The following ANTXR2 variants were observed in gnomAD, a reference collection of about 807,000 sequenced individuals.
The protein encoded by ANTXR2 is ANTXR cell adhesion molecule 2.
In ANTXR2, 44 loss-of-function variants were observed where a neutral mutation model predicts 73.7. The observed-to-expected ratio is 0.60, with a 90% CI of 0.47 to 0.77. The LOEUF (loss-of-function observed/expected upper bound fraction) is 0.77, where lower values mean the gene tolerates loss of function less well. Among genes scored for constraint, ANTXR2 ranks in the 30% least tolerant of loss-of-function variants. The pLI is 0.00. For synonymous variants in ANTXR2, 217 were observed against 205.9 expected, an observed-to-expected ratio of 1.05 and a Z score of -0.46; for missense variants, 604 against 592.5, an observed-to-expected ratio of 1.02 and a Z score of -0.20.
chr4:79,984,709 A>G, intron 13 of ANTXR2, 110 bp downstream of exon 13: 1 of 916,450 alleles, frequency 1.1e-6, no homozygotes, highest in Non-Finnish European at 1.7e-6. Context: ...TTAAAAAGTC[A>G]GTACATAGGT....
At chr4:80,054,186 C>A in intron 7 of ANTXR2, 86 bp downstream of exon 7, 1 of 1,021,212 alleles carries the variant, frequency 9.8e-7, no homozygotes, top group Non-Finnish European at 1.4e-6. Context: ...ATAATGACCA[C>A]CTGCACTGGA....
At chr4:80,071,911 T>G (rs533220734) in intron 1 of ANTXR2, among the ~76,000 whole-genome samples, 1 of 151,932 alleles carries the variant, frequency 6.6e-6, no homozygotes, top group South Asian at 2.1e-4. Flanking sequence ...CCTGCCTAAT[T>G]GTTTAGAGTG....
intron 16 of ANTXR2, among the ~76,000 whole-genome samples, chr4:79,975,765 A>G (rs1050761431): frequency 2.0e-5 from 3 of 152,238 alleles, no homozygotes; most frequent in African/African-American, 7.2e-5. Flanking sequence ...ATTTAAAAAG[A>G]TACAAATGTC....
intron 16 of ANTXR2, among the ~76,000 whole-genome samples, chr4:79,924,359 C>T (rs1368886313): frequency 1.3e-5 from 2 of 152,076 alleles, no homozygotes; most frequent in Non-Finnish European, 2.9e-5. Context: ...TGCAAAGTGA[C>T]TCAAGCCTGT....
At chr4:79,980,909 G>GT (rs1729857151) in intron 14 of ANTXR2, among the ~76,000 whole-genome samples, 2 of 129,668 alleles carry the variant, frequency 1.5e-5, no homozygotes. Context: ...ACTTTTCCTA[G>GT]TTTAAGGGCT....
chr4:79,997,212 A>G lies in ANTXR2; in HGVS notation c.1041+11309T>C, dbSNP rs189838702. Among the ~76,000 whole-genome samples the G allele has an allele frequency of 1.1e-3, 166 of 152,044 alleles. 1 individual carries two copies. The highest frequency in any genetic ancestry group is 2.4e-3 in the Admixed American group (36 of 15,224). ...CCAGCTTGATGCAATCATATGTTCC[A>G]ATATTCAGAAAAGAGTGAAAAGAAC... On this transcript the variant is annotated intron_variant, in intron 12 of 16. Coordinates refer to ENST00000403729, the MANE Select transcript of ANTXR2 (RefSeq NM_058172.6).
intron 16 of ANTXR2, among the ~76,000 whole-genome samples, chr4:79,954,300 T>A (rs1378160192): frequency 6.6e-6 from 1 of 152,160 alleles, no homozygotes. Context: ...ATTACAGGTA[T>A]GAGCCACCAT....
Position 79,902,925 on chromosome 4 carries a change from G to A in ANTXR2, c.*4504C>T, listed in dbSNP as rs1726763836. The A allele has an allele frequency of 6.6e-6, 1 of 152,128 alleles. No homozygotes were observed. Among genetic ancestry groups the A allele is most frequent in the Non-Finnish European group, 1.5e-5 (1 of 68,062 alleles). 9.4% of individuals were successfully genotyped at this position (152,128 alleles called of 1,614,324 possible). ...CAGCATTTGGGAGACTGAGGCAGGA[G>A]GATCACTTGAGGCCAGGTGTTTGAG... On this transcript the variant is annotated 3_prime_UTR_variant, in exon 17 of 17. Transcript: ENST00000403729.
At chr4:80,043,600 T>C (rs1293451869) in intron 7 of ANTXR2, among the ~76,000 whole-genome samples, 8 of 152,018 alleles carry the variant, frequency 5.3e-5, no homozygotes, top group African/African-American at 1.9e-4. Context: ...ATATTCTCAA[T>C]AGTTCAGGGA....
Position 80,072,584 on chromosome 4 carries a change from C to T in ANTXR2, c.-24G>A. On this transcript the variant is annotated 5_prime_UTR_variant, in exon 1 of 17. Transcript: ENST00000403729. Reference sequence around the variant, plus strand: ...ATCCTGCGGCCGGGGGCCTGAGACTCCCTCCCGCTCGCAGTCCCCTAAGCT... The same window carrying T: ...ATCCTGCGGCCGGGGGCCTGAGACTTCCTCCCGCTCGCAGTCCCCTAAGCT... 6.7e-7 allele frequency: 1 copy of T among 1,493,452 alleles called. No individual in the cohort carries two copies. Among genetic ancestry groups the T allele is most frequent in the East Asian group, 2.6e-5 (1 of 37,938 alleles). The allele number at this position is 1,493,452 out of a possible 1,614,324, so 92.5% of individuals were successfully genotyped here.
chr4:80,018,142 T>C (rs938259443), intron 11 of ANTXR2, among the ~76,000 whole-genome samples: 1 of 152,242 alleles, frequency 6.6e-6, no homozygotes, highest in Admixed American at 6.5e-5. Context: ...TTTAGGATTT[T>C]GGTCTTTTGG....
At chr4:80,058,824 T>C (rs150588903) in intron 3 of ANTXR2, among the ~76,000 whole-genome samples, 4 of 152,246 alleles carry the variant, frequency 2.6e-5, no homozygotes, top group Non-Finnish European at 5.9e-5. Flanking sequence ...TTTCAAGTTA[T>C]GTCTTCAACT....
Position 80,055,181 on chromosome 4 carries a change from C to T in ANTXR2, c.524G>A (p.Cys175Tyr), listed in dbSNP as rs1200548367. The T allele has an allele frequency of 6.4e-7, 1 of 1,567,194 alleles. No individual in the cohort carries two copies. Among genetic ancestry groups the T allele is most frequent in the Non-Finnish European group, 8.7e-7 (1 of 1,154,654 alleles). ...TTGTTCAAAATCAAGGACACCAACA[C>T]AATAAACACTAGCCCCAAGTGACCT... The part of the protein sequence containing the change: ...ISRSLGASVY[C>Y]VGVLDFEQAQ... The change falls in exon 6 of 17, where the codon TGT becomes TAT. Residue 175 changes from cysteine (C) to tyrosine (Y), a missense_variant. By Grantham distance (194) the Cys-to-Tyr change is radical (BLOSUM62 -2). Transcript: ENST00000403729.
chr4:79,927,294 C>CCACACACACACACA (rs112013307), intron 16 of ANTXR2, among the ~76,000 whole-genome samples: 2,482 of 150,284 alleles, frequency 0.017, 61 homozygotes, highest in African/African-American at 0.042. Context: ...GGAGCTCTTA[C>CCACACACACACACA]CACACACACA....
intron 14 of ANTXR2, among the ~76,000 whole-genome samples, chr4:79,983,628 G>A (rs1261922840): frequency 6.6e-6 from 1 of 151,946 alleles, no homozygotes; most frequent in Non-Finnish European, 1.5e-5. Context: ...CCCTAGCTTT[G>A]TTTTGTCCCT....
chr4:79,963,062 T>C (rs1221906756), intron 16 of ANTXR2, among the ~76,000 whole-genome samples: 1 of 152,130 alleles, frequency 6.6e-6, no homozygotes, highest in African/African-American at 2.4e-5. Flanking sequence ...ATCTCTACCA[T>C]CCAGATGCTT....
intron 7 of ANTXR2, among the ~76,000 whole-genome samples, chr4:80,052,280 T>A (rs139518386): frequency 0.016 from 2,460 of 151,802 alleles, 33 homozygotes; most frequent in South Asian, 0.028. Flanking sequence ...TAGATATTTT[T>A]AAAAATCAGA....
At chr4:80,059,147 T>A (rs1291093213) in intron 3 of ANTXR2, among the ~76,000 whole-genome samples, 1 of 152,062 alleles carries the variant, frequency 6.6e-6, no homozygotes, top group Non-Finnish European at 1.5e-5. Flanking sequence ...ATTTTATTAA[T>A]TTTCTGCAAC....
chr4:80,058,849 T>C (rs537306891), intron 3 of ANTXR2, among the ~76,000 whole-genome samples: 17 of 152,244 alleles, frequency 1.1e-4, no homozygotes, highest in African/African-American at 3.6e-4. Flanking sequence ...GGAACAGCAA[T>C]ATTGAAACTA....
Sources: allele counts gnomAD v4.1 joint callset (sites outside exome capture counted in the v4.1 genomes callset), GRCh38; gene constraint gnomAD v4.1.1; transcripts MANE v1.5; gene names NCBI Gene and HGNC (gene_info 2026-07-23, HGNC 2026-07-21).